SPTBN1: variants seen among roughly 807,000 people sequenced by gnomAD.
SPTBN1 encodes spectrin beta chain, non-erythrocytic 1.
A neutral mutation model predicts 266.4 loss-of-function variants in SPTBN1; 32 were observed. That is an observed-to-expected ratio of 0.12 (90% CI 0.09 to 0.16). The LOEUF (loss-of-function observed/expected upper bound fraction) is 0.16. SPTBN1 is among the 10% of genes least tolerant of loss of function. The pLI, the probability that SPTBN1 is intolerant of heterozygous loss-of-function variation, is 1.00. For synonymous variants in SPTBN1, 1,336 were observed against 1,162.2 expected, an observed-to-expected ratio of 1.15 and a Z score of -3.04; for missense variants, 2,296 against 3,067.1, an observed-to-expected ratio of 0.75 and a Z score of 5.94.
intron 2 of SPTBN1, among the ~76,000 whole-genome samples, chr2:54,592,417 TC>T (rs1440110768): frequency 1.2e-4 from 18 of 151,420 alleles, no homozygotes; most frequent in African/African-American, 4.4e-4. Context: ...AGAGTTTTGC[TC>T]CTGTTGCCCA....
At position 54,665,907 on chromosome 2, in the gene SPTBN1, C is replaced by T. The variant is rs1427764223; in HGVS notation, c.6660-8C>T. The T allele has an allele frequency of 3.1e-6, 5 of 1,596,490 alleles. No homozygotes were observed. The highest frequency in any genetic ancestry group is 4.3e-6 in the Non-Finnish European group (5 of 1,173,942). On this transcript the variant is annotated splice_polypyrimidine_tract_variant and splice_region_variant and intron_variant, in intron 33 of 35. Transcript: ENST00000356805. ...ATCTCCCCCTGCCCTTTTTTTTAAA[C>T]TGCACAGGTCCTGGCACAATGTTTA...
chr2:54,498,202 G>A (rs141738979), intron 1 of SPTBN1, among the ~76,000 whole-genome samples: 1 of 152,352 alleles, frequency 6.6e-6, no homozygotes, highest in African/African-American at 2.4e-5. Context: ...TAAGAGCATA[G>A]ACTAAGTGCT....
At chr2:54,573,374 T>G (rs975576427) in intron 2 of SPTBN1, among the ~76,000 whole-genome samples, 4 of 152,164 alleles carry the variant, frequency 2.6e-5, no homozygotes, top group Non-Finnish European at 4.4e-5. Context: ...CTAGATCCTT[T>G]GCATGCACAG....
intron 4 of SPTBN1, 133 bp downstream of exon 4, chr2:54,612,467 G>T: frequency 9.7e-7 from 1 of 1,030,996 alleles, no homozygotes. Context: ...AGTCATGTGT[G>T]TCATATCCAG....
Position 54,558,368 on chromosome 2 carries a change from G to A in SPTBN1, c.148+31802G>A. 3.0e-6 allele frequency: 3 copies of A among 999,702 alleles called. No individual in the cohort carries two copies. Among genetic ancestry groups the A allele is most frequent in the Non-Finnish European group, 3.6e-6 (3 of 839,374 alleles). 61.9% of individuals were successfully genotyped at this position (999,702 alleles called of 1,614,324 possible). On this transcript the variant is annotated intron_variant, in intron 2 of 35. Transcript: ENST00000356805. This position sits in a 1 kb window ranked among gnomAD's most constrained non-coding sequence, Gnocchi z 4.6. ...TGGCTCCTGATAAAATTACAAACCG[G>A]CGGCCGCCGCGGGCAGCTGGGAGGA...
chr2:54,542,847 T>C (rs1201069121), intron 2 of SPTBN1, among the ~76,000 whole-genome samples: 1 of 152,260 alleles, frequency 6.6e-6, no homozygotes, highest in Non-Finnish European at 1.5e-5. Context: ...CTCTGGATGT[T>C]GGATGCTTGG....
chr2:54,667,217 A>G (rs1438331521), intron 34 of SPTBN1, among the ~76,000 whole-genome samples: 1 of 152,222 alleles, frequency 6.6e-6, no homozygotes, highest in Non-Finnish European at 1.5e-5. Flanking sequence ...TAGGGGATAC[A>G]AGCTCAGTAG....
intron 4 of SPTBN1, among the ~76,000 whole-genome samples, chr2:54,614,097 CT>C (rs1677411260): frequency 6.6e-6 from 1 of 152,172 alleles, no homozygotes; most frequent in Admixed American, 6.5e-5. Context: ...TATTTTCTCC[CT>C]TTCTGTTGAG....
At chr2:54,563,600 T>C (rs1027425955) in intron 2 of SPTBN1, among the ~76,000 whole-genome samples, 123 of 126,680 alleles carry the variant, frequency 9.7e-4, no homozygotes, top group South Asian at 2.1e-3. Flanking sequence ...ATTCTTTTTT[T>C]TTTTTTTTTT....
At chr2:54,632,173 G>A (rs1332417573) in intron 16 of SPTBN1, among the ~76,000 whole-genome samples, 1 of 151,550 alleles carries the variant, frequency 6.6e-6, no homozygotes, top group Admixed American at 6.6e-5. Context: ...CTTCACCTGA[G>A]GACACAAAGT....
intron 1 of SPTBN1, among the ~76,000 whole-genome samples, chr2:54,503,027 A>G (rs919827159): frequency 6.6e-6 from 1 of 152,190 alleles, no homozygotes; most frequent in Non-Finnish European, 1.5e-5. Context: ...GGCTTCCCTG[A>G]CATAGTAATC....
At chr2:54,477,413 T>G (rs1448553848) in intron 1 of SPTBN1, among the ~76,000 whole-genome samples, 1 of 152,102 alleles carries the variant, frequency 6.6e-6, no homozygotes, top group Non-Finnish European at 1.5e-5. Context: ...TTTTTTTTTT[T>G]TTAATTAATT....
chr2:54,612,114 C>G (rs765413081), intron 3 of SPTBN1, 47 bp from the exon 4 acceptor site: 1 of 1,526,726 alleles, frequency 6.5e-7, no homozygotes, highest in South Asian at 1.3e-5. Context: ...GGGTTCATCT[C>G]TACTCTGTTG....
intron 29 of SPTBN1, among the ~76,000 whole-genome samples, chr2:54,657,530 G>C (rs1192240020): frequency 6.6e-6 from 1 of 152,090 alleles, no homozygotes; most frequent in Non-Finnish European, 1.5e-5. Context: ...AGATTTAGAA[G>C]AAAAAAGATT....
intron 2 of SPTBN1, among the ~76,000 whole-genome samples, chr2:54,596,221 C>A (rs894911612): frequency 6.6e-6 from 1 of 152,158 alleles, no homozygotes; most frequent in Non-Finnish European, 1.5e-5. Context: ...TGGCCCATAT[C>A]CCCAAGCCTT....
At chr2:54,535,742 G>A (rs1379411244) in intron 2 of SPTBN1, among the ~76,000 whole-genome samples, 5 of 152,224 alleles carry the variant, frequency 3.3e-5, no homozygotes, top group Non-Finnish European at 7.3e-5. Context: ...AACTACTGTA[G>A]GCCAGATGCA....
intron 1 of SPTBN1, chr2:54,516,352 C>T (rs1368807985): frequency 6.6e-6 from 1 of 152,162 alleles, no homozygotes; most frequent in Non-Finnish European, 1.5e-5. Context: ...GTAAGCCATC[C>T]TCCCAAAATG....
intron 1 of SPTBN1, among the ~76,000 whole-genome samples, chr2:54,495,528 A>G (rs1353189658): frequency 6.6e-6 from 1 of 152,244 alleles, no homozygotes; most frequent in Non-Finnish European, 1.5e-5. Context: ...CTCTGTAGAA[A>G]TTAAGGAAAA....
chr2:54,622,150 C>T, intron 8 of SPTBN1, 150 bp from the exon 9 acceptor site: 6 of 704,628 alleles, frequency 8.5e-6, no homozygotes, highest in Non-Finnish European at 1.4e-5. Context: ...AGTTAAAATG[C>T]TTGTGCCCAG....
Sources: gnomAD v4.1 joint callset for allele counts (sites outside exome capture counted in the v4.1 genomes callset) on GRCh38, gnomAD v4.1.1 for gene constraint, Gnocchi (gnomAD v3.1) non-coding constraint, MANE v1.5 for transcripts, NCBI Gene and HGNC (gene_info 2026-07-23, HGNC 2026-07-21) for gene names.